PRKCA: variants seen among roughly 807,000 people sequenced by gnomAD.
PRKCA encodes the protein protein kinase C alpha, also known as protein kinase C alpha type.
Under a neutral mutation model 87.0 loss-of-function variants are expected in PRKCA, and 27 were observed. The observed-to-expected ratio is 0.31, with a 90% CI of 0.23 to 0.43. PRKCA has a LOEUF of 0.43. Ranked by LOEUF, PRKCA falls within the 20% of genes least tolerant of loss-of-function variation. PRKCA has a pLI of 1.00. For synonymous variants in PRKCA, 329 were observed against 311.1 expected (o/e 1.06, Z -0.61); for missense variants, 518 against 852.3 (o/e 0.61, Z 4.88).
chr17:66,595,061 G>A (rs1313516876), intron 3 of PRKCA, among the ~76,000 whole-genome samples: 2 of 152,120 alleles, frequency 1.3e-5, no homozygotes, highest in African/African-American at 2.4e-5. Context: ...TTCTGCTGGT[G>A]TTCAGCAGTC....
intron 2 of PRKCA, among the ~76,000 whole-genome samples, chr17:66,342,702 ATAG>A (rs1237038596): frequency 2.0e-5 from 3 of 152,228 alleles, no homozygotes; most frequent in African/African-American, 7.2e-5. Context: ...CACATCTTTG[ATAG>A]TAGATTTAAC....
In PRKCA at chr17:66,559,478, C is replaced by CT. The variant is rs1567897850; in HGVS notation, c.288+63195_288+63196insT. 1.6e-3 allele frequency among the ~76,000 whole-genome samples: 51 copies of CT among 31,212 alleles called. 1 individual carries two copies. The highest frequency in any genetic ancestry group is 2.4e-3 in the Non-Finnish European group (42 of 17,808). 20.5% of individuals were successfully genotyped at this position (31,212 alleles called of 152,430 possible). On this transcript the variant is annotated intron_variant, in intron 3 of 16. Coordinates refer to ENST00000413366, the MANE Select transcript of PRKCA (RefSeq NM_002737.3). ...CGCAACAGAGTGAGTCTCTGTCTCA[C>CT]CAAAAAAAAAAAAAAAAAAAAAAAA...
chr17:66,540,825 T>C (rs1458754914), intron 3 of PRKCA, among the ~76,000 whole-genome samples: 1 of 152,212 alleles, frequency 6.6e-6, no homozygotes, highest in African/African-American at 2.4e-5. Context: ...ATTAGTATCA[T>C]GGTTTGACCT....
At chr17:66,366,759 T>C (rs951244984) in intron 2 of PRKCA, among the ~76,000 whole-genome samples, 7 of 152,206 alleles carry the variant, frequency 4.6e-5, no homozygotes, top group African/African-American at 1.4e-4. Flanking sequence ...ACATTTTTAC[T>C]CCAGTAAATC....
chr17:66,466,089 G>A (rs73996223), intron 2 of PRKCA, among the ~76,000 whole-genome samples: 9,700 of 152,242 alleles, frequency 0.064, 1,030 homozygotes, highest in African/African-American at 0.22. Context: ...AAGTGCACCA[G>A]CAGCTGTTTT....
chr17:66,425,484 C>T (rs774271901), intron 2 of PRKCA, among the ~76,000 whole-genome samples: 3 of 152,154 alleles, frequency 2.0e-5, no homozygotes, highest in Non-Finnish European at 4.4e-5. Flanking sequence ...TCTCTCAATT[C>T]CATATCAAAC....
chr17:66,752,392 C>A (rs568174039), intron 13 of PRKCA, among the ~76,000 whole-genome samples: 1 of 152,104 alleles, frequency 6.6e-6, no homozygotes, highest in African/African-American at 2.4e-5. Flanking sequence ...GCCAGGAGTT[C>A]GAGACCAGCC....
chr17:66,552,759 G>C (rs960446167), intron 3 of PRKCA, among the ~76,000 whole-genome samples: 26 of 151,998 alleles, frequency 1.7e-4, no homozygotes, highest in African/African-American at 6.3e-4. Context: ...GAGCCACTAG[G>C]TCCAGCCCAC....
At chr17:66,481,450 C>T (rs1040641140) in intron 2 of PRKCA, among the ~76,000 whole-genome samples, 2 of 152,174 alleles carry the variant, frequency 1.3e-5, no homozygotes, top group African/African-American at 4.8e-5. Flanking sequence ...CAGTCAGCTC[C>T]TTCCTGATTT....
chr17:66,315,894 C>T (rs1016517867), intron 2 of PRKCA, among the ~76,000 whole-genome samples: 13 of 152,076 alleles, frequency 8.5e-5, no homozygotes, highest in South Asian at 2.1e-4. Flanking sequence ...CTGCAGGGCG[C>T]AGGACAGAAG....
chr17:66,371,776 C>T (rs923446252), intron 2 of PRKCA, among the ~76,000 whole-genome samples: 9 of 152,198 alleles, frequency 5.9e-5, no homozygotes, highest in African/African-American at 2.2e-4. Context: ...TCGAATGACC[C>T]AACCCTTTGT....
intron 5 of PRKCA, among the ~76,000 whole-genome samples, chr17:66,653,420 C>G (rs1043725625): frequency 7.6e-6 from 1 of 131,970 alleles, no homozygotes; most frequent in Admixed American, 7.5e-5. Context: ...AGGGCAAGAC[C>G]TCGTCTACAC....
At chr17:66,707,397 C>A (rs1268444639) in intron 8 of PRKCA, among the ~76,000 whole-genome samples, 1 of 152,164 alleles carries the variant, frequency 6.6e-6, no homozygotes, top group Non-Finnish European at 1.5e-5. Flanking sequence ...CCACCCTTCA[C>A]CTGCACTTTT....
chr17:66,520,096 G>A (rs1341505297), intron 3 of PRKCA, among the ~76,000 whole-genome samples: 2 of 150,686 alleles, frequency 1.3e-5, no homozygotes, highest in Non-Finnish European at 3.0e-5. Context: ...GCTCATTATA[G>A]CCTCAGGTAC....
At chr17:66,773,863 G>A in intron 13 of PRKCA, 124 bp from the exon 14 acceptor site, 2 of 1,479,436 alleles carry the variant, frequency 1.4e-6, no homozygotes, top group South Asian at 1.2e-5. Flanking sequence ...TAACATCAAA[G>A]ACAGATCTTA....
intron 4 of PRKCA, among the ~76,000 whole-genome samples, chr17:66,644,830 A>C (rs538292310): frequency 1.3e-5 from 2 of 152,238 alleles, no homozygotes; most frequent in South Asian, 4.2e-4. Flanking sequence ...ATTAGCAAAA[A>C]GTCTTATGTT....
chr17:66,746,941 T>G (rs1598913759), intron 13 of PRKCA, among the ~76,000 whole-genome samples: 1 of 152,164 alleles, frequency 6.6e-6, no homozygotes, highest in East Asian at 1.9e-4. Flanking sequence ...CTCCAGACAC[T>G]AGCATTGCGC....
At chr17:66,543,609 A>G (rs1567888088) in intron 3 of PRKCA, among the ~76,000 whole-genome samples, 2 of 152,196 alleles carry the variant, frequency 1.3e-5, no homozygotes, top group African/African-American at 4.8e-5. Flanking sequence ...CCATGCAGAA[A>G]TCTGTCAGCA....
intron 2 of PRKCA, among the ~76,000 whole-genome samples, chr17:66,407,287 T>C (rs1340803269): frequency 1.3e-5 from 2 of 152,036 alleles, no homozygotes; most frequent in African/African-American, 4.8e-5. Context: ...GGATCCTTTG[T>C]GGATGGTTTA....
Sources: allele counts gnomAD v4.1 joint callset (sites outside exome capture counted in the v4.1 genomes callset), GRCh38; gene constraint gnomAD v4.1.1; transcripts MANE v1.5; gene names NCBI Gene and HGNC (gene_info 2026-07-23, HGNC 2026-07-21).